VAV3: variants seen among roughly 807,000 people sequenced by gnomAD.
The protein encoded by VAV3 is guanine nucleotide exchange factor VAV3.
VAV3 carries 94 observed loss-of-function variants against 131.2 expected under a neutral mutation model. The observed-to-expected ratio is 0.72, with a 90% confidence interval of 0.61 to 0.85. The LOEUF (loss-of-function observed/expected upper bound fraction) is 0.85, where lower values mean the gene tolerates loss of function less well. Ranked by LOEUF, VAV3 falls within the 40% of genes least tolerant of loss-of-function variation. The pLI, the probability that VAV3 is intolerant of heterozygous loss-of-function variation, is 0.00. For missense variants in VAV3, 939 were observed against 1,002.7 expected (o/e 0.94, Z 0.86); for synonymous variants, 349 against 342.0 (o/e 1.02, Z -0.22).
intron 15 of VAV3, among the ~76,000 whole-genome samples, chr1:107,710,373 A>G (rs1009863630): frequency 6.6e-5 from 10 of 152,320 alleles, no homozygotes; most frequent in African/African-American, 1.4e-4. Flanking sequence ...CTTCAAAAAC[A>G]CCTGTCTGAA....
At chr1:107,747,017 C>T (rs556714671) in intron 15 of VAV3, among the ~76,000 whole-genome samples, 2 of 151,950 alleles carry the variant, frequency 1.3e-5, no homozygotes, top group African/African-American at 2.4e-5. Context: ...GTAGCTGGGA[C>T]GACAGGCATG....
rs1225180810 is a variant in VAV3, at chr1:107,598,791, GTC to G, written c.2221-2452_2221-2451del. ...AAAATATAAAGCAAAATTTTGTGAG[GTC>G]TCTGGAATACACACACACACACACA... On this transcript the variant is annotated intron_variant, in intron 24 of 26. Transcript: ENST00000370056. 1.7e-4 allele frequency among the ~76,000 whole-genome samples: 18 copies of G among 103,280 alleles called. No homozygotes were observed. In the South Asian group the frequency reaches 5.2e-3, roughly 30 times the overall value. 67.8% of individuals were successfully genotyped at this position (103,280 alleles called of 152,430 possible). A position where few individuals can be genotyped will look rare whatever the true frequency, so the allele number is the denominator to read the frequency against.
chr1:107,893,937 C>A (rs1671447806), intron 1 of VAV3, among the ~76,000 whole-genome samples: 1 of 152,174 alleles, frequency 6.6e-6, no homozygotes, highest in South Asian at 2.1e-4. Flanking sequence ...GTCAGGGCTA[C>A]CTCTGTGCAA....
chr1:107,730,273 A>T (rs935824951), intron 15 of VAV3, among the ~76,000 whole-genome samples: 2 of 152,180 alleles, frequency 1.3e-5, no homozygotes, highest in African/African-American at 4.8e-5. Context: ...ATGTAAAAAC[A>T]TCCAATGTTA....
chr1:107,939,435 G>A (rs1212060597), intron 1 of VAV3, among the ~76,000 whole-genome samples: 4 of 152,096 alleles, frequency 2.6e-5, no homozygotes, highest in South Asian at 2.1e-4. Context: ...ATGCAGTTCC[G>A]TACTTTCTCG....
intron 15 of VAV3, among the ~76,000 whole-genome samples, chr1:107,710,834 T>C (rs1272442625): frequency 6.6e-6 from 1 of 152,056 alleles, no homozygotes; most frequent in Non-Finnish European, 1.5e-5. Context: ...AACAAAAAAA[T>C]TGGGTTGTCT....
intron 19 of VAV3, among the ~76,000 whole-genome samples, chr1:107,668,498 C>T (rs138348214): frequency 6.3e-4 from 96 of 152,316 alleles, no homozygotes; most frequent in African/African-American, 2.2e-3. Context: ...ACCTCTAGTA[C>T]ATCAACAAAT....
At chr1:107,917,345 T>C (rs1483981701) in intron 1 of VAV3, among the ~76,000 whole-genome samples, 1 of 152,138 alleles carries the variant, frequency 6.6e-6, no homozygotes, top group Non-Finnish European at 1.5e-5. Context: ...AGCACTTTCA[T>C]GGACATTCTG....
intron 2 of VAV3, among the ~76,000 whole-genome samples, chr1:107,792,355 T>C (rs1161432852): frequency 6.6e-6 from 1 of 152,216 alleles, no homozygotes; most frequent in Non-Finnish European, 1.5e-5. Context: ...ATAATTCCTT[T>C]AAAAATACAG....
intron 2 of VAV3, among the ~76,000 whole-genome samples, chr1:107,805,061 T>C (rs1667002327): frequency 6.6e-6 from 1 of 152,130 alleles, no homozygotes; most frequent in African/African-American, 2.4e-5. Flanking sequence ...TATATGTTAT[T>C]TGCTTCTTTT....
At chr1:107,697,150 T>C (rs1340833033) in intron 17 of VAV3, among the ~76,000 whole-genome samples, 1 of 152,192 alleles carries the variant, frequency 6.6e-6, no homozygotes, top group Non-Finnish European at 1.5e-5. Flanking sequence ...GAAGATGCCA[T>C]GGCTTCCAGC....
At chr1:107,927,247 C>A (rs1198928633) in intron 1 of VAV3, among the ~76,000 whole-genome samples, 4 of 152,102 alleles carry the variant, frequency 2.6e-5, no homozygotes. Context: ...CAGGACCAAT[C>A]ACCTTCTGAC....
intron 2 of VAV3, among the ~76,000 whole-genome samples, chr1:107,820,472 TG>T (rs976175018): frequency 3.3e-5 from 5 of 149,992 alleles, no homozygotes; most frequent in Non-Finnish European, 5.9e-5. Flanking sequence ...GGAAGGGGAG[TG>T]GGGGGGTAGG....
chr1:107,616,878 G>A (rs1653193714), intron 21 of VAV3, among the ~76,000 whole-genome samples: 1 of 151,998 alleles, frequency 6.6e-6, no homozygotes, highest in East Asian at 1.9e-4. Context: ...CATTTACTTT[G>A]GAGTCAATAA....
chr1:107,707,569 G>T (rs2101861635), intron 15 of VAV3, among the ~76,000 whole-genome samples: 1 of 152,282 alleles, frequency 6.6e-6, no homozygotes, highest in Non-Finnish European at 1.5e-5. Flanking sequence ...CCCTTTTTAG[G>T]TCTGTGACCA....
At chr1:107,732,930 A>C (rs1662347689) in intron 15 of VAV3, among the ~76,000 whole-genome samples, 1 of 152,180 alleles carries the variant, frequency 6.6e-6, no homozygotes, top group African/African-American at 2.4e-5. Context: ...CCTGACCCCC[A>C]TGTAGCCTAA....
At chr1:107,936,262 A>T (rs1382337212) in intron 1 of VAV3, among the ~76,000 whole-genome samples, 1 of 152,192 alleles carries the variant, frequency 6.6e-6, no homozygotes, top group East Asian at 1.9e-4. Context: ...AACACTTTTG[A>T]ATAGTGGAAA....
At chr1:107,720,265 G>A (rs1661405027) in intron 15 of VAV3, among the ~76,000 whole-genome samples, 1 of 151,640 alleles carries the variant, frequency 6.6e-6, no homozygotes, top group African/African-American at 2.4e-5. Context: ...TGCCTGAAGT[G>A]CCAGCTACTT....
At chr1:107,625,505 C>T (rs1653949453) in intron 20 of VAV3, among the ~76,000 whole-genome samples, 1 of 152,018 alleles carries the variant, frequency 6.6e-6, no homozygotes, top group African/African-American at 2.4e-5. Context: ...GACCTCAAAT[C>T]ATCCACTTGC....
Sources: gnomAD v4.1 joint callset for allele counts (sites outside exome capture counted in the v4.1 genomes callset) on GRCh38, gnomAD v4.1.1 for gene constraint, MANE v1.5 for transcripts, NCBI Gene and HGNC (gene_info 2026-07-23, HGNC 2026-07-21) for gene names.